The following APIP variants were observed in gnomAD, a reference collection of about 807,000 sequenced individuals.
The protein encoded by APIP is APAF1 interacting protein, also known as methylthioribulose-1-phosphate dehydratase.
APIP carries 32 observed loss-of-function variants against 32.0 expected under a neutral mutation model. The ratio of observed to expected loss-of-function variants is 1.00; its 90% confidence interval spans 0.76 to 1.34. The LOEUF (loss-of-function observed/expected upper bound fraction) is 1.34. Among genes scored for constraint, APIP ranks in the 40% most tolerant of loss-of-function variants. The pLI is 0.00. For synonymous variants in APIP, 92 were observed against 94.8 expected, an observed-to-expected ratio of 0.97 and a Z score of 0.17; for missense variants, 247 against 298.6, an observed-to-expected ratio of 0.83 and a Z score of 1.27.
chr11:34,907,105 A>C (rs1853472230), intron 1 of APIP, among the ~76,000 whole-genome samples: 5 of 152,126 alleles, frequency 3.3e-5, no homozygotes. Context: ...AAAACCCCCT[A>C]ACAGCAGTTA....
intron 3 of APIP, 21 bp from the exon 4 acceptor site, chr11:34,888,890 AAG>A (rs1853136237): frequency 1.5e-6 from 2 of 1,340,118 alleles, no homozygotes; most frequent in Non-Finnish European, 2.0e-6. Context: ...AGGGGAAAAA[AAG>A]AAAAAAAGAA....
chr11:34,915,001 C>CAAAAAAAA, intron 1 of APIP, among the ~76,000 whole-genome samples: 1 of 76,384 alleles, frequency 1.3e-5, no homozygotes, highest in Non-Finnish European at 2.6e-5. Flanking sequence ...CAAAACGTGT[C>CAAAAAAAA]AAAAAAAAAA....
At chr11:34,899,414 C>A (rs965247330) in intron 1 of APIP, among the ~76,000 whole-genome samples, 1 of 152,176 alleles carries the variant, frequency 6.6e-6, no homozygotes, top group Non-Finnish European at 1.5e-5. Context: ...TTGGTTCCTA[C>A]GTTCCTTTAA....
chr11:34,910,898 A>C (rs182821495), intron 1 of APIP, among the ~76,000 whole-genome samples: 2 of 152,256 alleles, frequency 1.3e-5, no homozygotes, highest in East Asian at 3.9e-4. Context: ...GAAGACATTA[A>C]GAAGTTCACA....
chr11:34,887,864 TA>T (rs1168584765), intron 5 of APIP, among the ~76,000 whole-genome samples: 1 of 152,212 alleles, frequency 6.6e-6, no homozygotes, highest in East Asian at 1.9e-4. Flanking sequence ...TCTACTTTAT[TA>T]AAAAAACTTA....
chr11:34,888,329 T>C lies in APIP; in HGVS notation c.425A>G (p.Lys142Arg). ...EFKITHQEMI[K>R]GIKKCTSGGY... ...TCCGGAAGTACATTTCTTTATTCCT[T>C]TTATCATCTCTTGATGTGTAATTTT... Residue 142 changes from lysine (K) to arginine (R), a missense_variant, in exon 5 of 7, where the codon AAA becomes AGA. By Grantham distance (26) the Lys-to-Arg change is conservative (BLOSUM62 2). Transcript: ENST00000395787. 6.2e-7 allele frequency: 1 copy of C among 1,608,370 alleles called. No individual in the cohort carries two copies. Among genetic ancestry groups the C allele is most frequent in the Non-Finnish European group, 8.5e-7 (1 of 1,177,842 alleles).
Position 34,906,352 on chromosome 11 carries a change from G to T in APIP, c.57+9876C>A, listed in dbSNP as rs10836321. ...CACTATCTTGAATACACCAGAGAAA[G>T]AGATCTATCATTTCTATGCCCTCAT... On this transcript the variant is annotated intron_variant, in intron 1 of 6. Transcript: ENST00000395787. Among the ~76,000 whole-genome samples, 533 of 152,322 alleles carry T rather than the reference G, an allele frequency of 3.5e-3. 4 individuals are homozygous for T. Among genetic ancestry groups the T allele is most frequent in the Admixed American group, 5.6e-3 (86 of 15,306 alleles).
chr11:34,909,837 G>A (rs1305312903), intron 1 of APIP, among the ~76,000 whole-genome samples: 3 of 152,158 alleles, frequency 2.0e-5, no homozygotes, highest in Non-Finnish European at 4.4e-5. Flanking sequence ...AGCTCTAGTG[G>A]AGGAACTGGG....
Position 34,883,509 on chromosome 11 carries a change from A to G in APIP, c.462-5T>C. Reference sequence around the variant, plus strand: ...ACCACTAACATATCATCATATCTGTAAGACAAAACAAGCCATTTTTTTCCA... The same window carrying G: ...ACCACTAACATATCATCATATCTGTGAGACAAAACAAGCCATTTTTTTCCA... On this transcript the variant is annotated splice_region_variant and splice_polypyrimidine_tract_variant and intron_variant, in intron 5 of 6. Transcript: ENST00000395787. 1 of 1,610,664 alleles carries G rather than the reference A, an allele frequency of 6.2e-7. No homozygotes were observed. Among genetic ancestry groups the G allele is most frequent in the Admixed American group, 1.7e-5 (1 of 59,328 alleles).
chr11:34,886,597 A>T (rs1853075504), intron 5 of APIP, among the ~76,000 whole-genome samples: 1 of 152,080 alleles, frequency 6.6e-6, no homozygotes, highest in Non-Finnish European at 1.5e-5. Context: ...CTCACCACTC[A>T]CTCACTTATT....
At chr11:34,891,607 C>A (rs760034309) in intron 2 of APIP, among the ~76,000 whole-genome samples, 2 of 152,154 alleles carry the variant, frequency 1.3e-5, no homozygotes, top group Non-Finnish European at 2.9e-5. Flanking sequence ...GGCTTGGAAC[C>A]GATAAAAATC....
chr11:34,895,279 G>T (rs888811525), intron 1 of APIP, among the ~76,000 whole-genome samples, 169 bp from the exon 2 acceptor site: 5 of 152,160 alleles, frequency 3.3e-5, no homozygotes, highest in African/African-American at 1.2e-4. Context: ...TTAATGTTTA[G>T]AAAGTGGATC....
chr11:34,896,390 C>A (rs999496659), intron 1 of APIP, among the ~76,000 whole-genome samples: 1 of 152,126 alleles, frequency 6.6e-6, no homozygotes, highest in African/African-American at 2.4e-5. Flanking sequence ...TACTATGCAG[C>A]CATAAAAAAG....
At chr11:34,888,107 G>A (rs961968885) in intron 5 of APIP, among the ~76,000 whole-genome samples, 186 bp downstream of exon 5, 2 of 151,974 alleles carry the variant, frequency 1.3e-5, no homozygotes, top group Non-Finnish European at 2.9e-5. Flanking sequence ...GGGTAGGGGC[G>A]GGAGAGGAGG....
At chr11:34,906,538 A>G (rs1164113500) in intron 1 of APIP, among the ~76,000 whole-genome samples, 1 of 152,226 alleles carries the variant, frequency 6.6e-6, no homozygotes, top group Admixed American at 6.5e-5. Flanking sequence ...TTATGATGCA[A>G]CAAGGGTGGA....
rs535735656 is a variant in APIP at position 34,908,726 on chromosome 11, G to C, written c.57+7502C>G. ...AACACCAGTAGTCTGTTCTATGTTG[G>C]TATTTCTTATATCTGTCTTAATGAA... On this transcript the variant is annotated intron_variant, in intron 1 of 6. Transcript: ENST00000395787. Among the ~76,000 whole-genome samples, 28 of 152,290 alleles carry C rather than the reference G, an allele frequency of 1.8e-4. 1 individual carries two copies. In the South Asian group the frequency reaches 5.4e-3, roughly 29 times the overall value.
intron 1 of APIP, among the ~76,000 whole-genome samples, chr11:34,912,519 T>C (rs530841095): frequency 6.6e-6 from 1 of 152,280 alleles, no homozygotes; most frequent in African/African-American, 2.4e-5. Flanking sequence ...CCTAGGTGTG[T>C]CTGTGAGGGT....
intron 1 of APIP, chr11:34,896,996 A>G (rs76436102): frequency 0.16 from 36,403 of 226,098 alleles, 2,665 homozygotes; most frequent in African/African-American, 0.29. Context: ...AGAAAATCAC[A>G]ACAAGGAAGC....
chr11:34,900,225 C>A (rs759616210), intron 1 of APIP, among the ~76,000 whole-genome samples: 11 of 152,220 alleles, frequency 7.2e-5, no homozygotes, highest in Non-Finnish European at 1.6e-4. Context: ...AGTTCTTTTA[C>A]CAGCCATGGC....
Sources: allele counts gnomAD v4.1 joint callset (sites outside exome capture counted in the v4.1 genomes callset), GRCh38; gene constraint gnomAD v4.1.1; transcripts MANE v1.5; gene names NCBI Gene and HGNC (gene_info 2026-07-23, HGNC 2026-07-21).